Variants in ENOX2 observed in about 807,000 individuals in gnomAD.
The protein encoded by ENOX2 is APK1 antigen.
A neutral mutation model predicts 45.0 loss-of-function variants in ENOX2; 36 were observed. That is an observed-to-expected ratio of 0.80 (90% CI 0.61 to 1.06). ENOX2 has a LOEUF of 1.06. Ranked by LOEUF, ENOX2 falls within the 50% of genes least tolerant of loss-of-function variation. The probability of loss-of-function intolerance (pLI) is 0.00; values close to 1 mark genes in which losing one functional copy is unlikely to be tolerated. For synonymous variants in ENOX2, 174 were observed against 152.3 expected (o/e 1.14, Z -1.05); for missense variants, 423 against 462.5 (o/e 0.91, Z 0.78).
At chrX:130,898,541 T>G (rs1402545364) in intron 2 of ENOX2, among the ~76,000 whole-genome samples, 1 of 109,951 alleles carries the variant, frequency 9.1e-6, no homozygotes, top group African/African-American at 3.3e-5. Flanking sequence ...GTTTTTAAAC[T>G]GGGATCTGTC....
At chrX:130,673,261 A>G (rs993219307) in intron 6 of ENOX2, among the ~76,000 whole-genome samples, 1 of 111,312 alleles carries the variant, frequency 9.0e-6, no homozygotes, top group Non-Finnish European at 1.9e-5. Context: ...CCCCACGTGA[A>G]AAGGAACCAG....
chrX:130,727,548 C>T (rs5977361), intron 3 of ENOX2, among the ~76,000 whole-genome samples: 225 of 112,501 alleles, frequency 2.0e-3, no homozygotes, highest in African/African-American at 7.0e-3. Context: ...CTCTTAACCA[C>T]AAAACTCTGT....
chrX:130,641,019 A>G (rs1183526191), intron 10 of ENOX2, among the ~76,000 whole-genome samples: 3 of 112,019 alleles, frequency 2.7e-5, no homozygotes, highest in African/African-American at 9.8e-5. Context: ...GAATACCTGG[A>G]AGGAGAAGAA....
At position 130,625,352 on chromosome X, in the gene ENOX2, A is replaced by T. The variant is rs1402381451; in HGVS notation, c.1708T>A (p.Trp570Arg). Residue 570 changes from tryptophan to arginine, a missense_variant, in exon 15 of 15, where the codon TGG becomes AGG. Physicochemically the swap from Trp to Arg is moderately radical, Grantham distance 101. Transcript: ENST00000394363. ...TGVGASLEKR[W>R]KFCGFEGLKL... is the part of the protein sequence containing the mutation. ...AAGCCCTCGAAGCCACAGAATTTCCATCTCTTTTCCAGGCTGGCTCCAACT... is the reference window on the plus strand; with the variant it reads ...AAGCCCTCGAAGCCACAGAATTTCCTTCTCTTTTCCAGGCTGGCTCCAACT... The T allele has an allele frequency of 3.3e-6, 4 of 1,209,852 alleles. No homozygotes were observed. The highest frequency in any genetic ancestry group is 4.5e-6 in the Non-Finnish European group (4 of 895,129).
At chrX:130,646,924 G>A (rs747416923) in intron 10 of ENOX2, among the ~76,000 whole-genome samples, 2 of 111,793 alleles carry the variant, frequency 1.8e-5, no homozygotes, top group African/African-American at 3.3e-5. Flanking sequence ...TTTGTATTTC[G>A]ACAGTATCAA....
chrX:130,851,982 T>C (rs2078220254), intron 2 of ENOX2, among the ~76,000 whole-genome samples: 1 of 111,979 alleles, frequency 8.9e-6, no homozygotes, highest in Non-Finnish European at 1.9e-5. Context: ...TAGTCAAGAC[T>C]TTTCCAATTT....
At chrX:130,749,431 G>A (rs1452852742) in intron 3 of ENOX2, among the ~76,000 whole-genome samples, 1 of 111,494 alleles carries the variant, frequency 9.0e-6, no homozygotes, top group Non-Finnish European at 1.9e-5. Context: ...AAGGAAGCAT[G>A]ATGGGAAATC....
chrX:130,760,211 T>C (rs1005315869), intron 3 of ENOX2, among the ~76,000 whole-genome samples: 2 of 111,630 alleles, frequency 1.8e-5, no homozygotes, highest in Non-Finnish European at 3.8e-5. Flanking sequence ...TGTTTCTTTA[T>C]TCCTTTTGTA....
intron 2 of ENOX2, among the ~76,000 whole-genome samples, chrX:130,836,174 G>C (rs2077924290): frequency 8.9e-6 from 1 of 111,915 alleles, no homozygotes; most frequent in Non-Finnish European, 1.9e-5. Context: ...ACTGTATATG[G>C]GTGACTAAAT....
chrX:130,775,799 TC>T (rs2039843650), intron 3 of ENOX2, among the ~76,000 whole-genome samples: 1 of 111,378 alleles, frequency 9.0e-6, no homozygotes, highest in Non-Finnish European at 1.9e-5. Flanking sequence ...GTTTTTTTTT[TC>T]TCAGTTTGAT....
intron 3 of ENOX2, among the ~76,000 whole-genome samples, 197 bp downstream of exon 3, chrX:130,783,350 T>A (rs1257623699): frequency 8.9e-6 from 1 of 111,897 alleles, no homozygotes; most frequent in Non-Finnish European, 1.9e-5. Flanking sequence ...TGATACTCTA[T>A]CTAATTATCA....
intron 6 of ENOX2, among the ~76,000 whole-genome samples, chrX:130,671,087 G>C (rs1002411598): frequency 9.9e-5 from 11 of 111,005 alleles, no homozygotes; most frequent in Non-Finnish European, 2.1e-4. Context: ...GCTTGCCCTG[G>C]GTCAGACAAT....
intron 2 of ENOX2, among the ~76,000 whole-genome samples, chrX:130,807,535 G>A (rs2077324384): frequency 3.6e-5 from 4 of 111,486 alleles, no homozygotes; most frequent in African/African-American, 1.3e-4. Context: ...CTAATTAATG[G>A]CAGATCCAGC....
chrX:130,772,959 C>T (rs908421051), intron 3 of ENOX2, among the ~76,000 whole-genome samples: 1 of 112,245 alleles, frequency 8.9e-6, no homozygotes, highest in Non-Finnish European at 1.9e-5. Context: ...GTGTTCACTA[C>T]GACCTGTCAC....
intron 6 of ENOX2, among the ~76,000 whole-genome samples, chrX:130,670,712 T>C (rs975730330): frequency 1.0e-4 from 11 of 107,837 alleles, no homozygotes; most frequent in Admixed American, 5.0e-4. Context: ...TTGTCAACTG[T>C]GAGCCATTTT....
chrX:130,801,848 T>TCATC (rs1282440160), intron 2 of ENOX2, among the ~76,000 whole-genome samples: 10 of 111,461 alleles, frequency 9.0e-5, no homozygotes, highest in Non-Finnish European at 1.5e-4. Flanking sequence ...ATTCATTCAT[T>TCATC]CATCCAATCA....
At chrX:130,642,258 G>A (rs1321830711) in intron 10 of ENOX2, among the ~76,000 whole-genome samples, 1 of 111,795 alleles carries the variant, frequency 8.9e-6, no homozygotes, top group Non-Finnish European at 1.9e-5. Context: ...TTCAGTGGAG[G>A]AAGTAATGGC....
In ENOX2 at chrX:130,901,079, T is replaced by C. The variant is rs752485659; in HGVS notation, c.-183+605A>G. Among the ~76,000 whole-genome samples the C allele has an allele frequency of 4.2e-4, 47 of 112,941 alleles. No homozygotes were observed. In the South Asian group the frequency reaches 0.017, roughly 41 times the overall value. On this transcript the variant is annotated intron_variant, in intron 2 of 14. Transcript: ENST00000394363. Reference sequence around the variant, plus strand: ...CTGACTATGGTTTTGGCAGACACAATTAGCTACAGTTGCAATGACAGTTAA... The same window carrying C: ...CTGACTATGGTTTTGGCAGACACAACTAGCTACAGTTGCAATGACAGTTAA...
chrX:130,633,202 G>T (rs1398853216), intron 12 of ENOX2, among the ~76,000 whole-genome samples: 1 of 111,743 alleles, frequency 8.9e-6, no homozygotes, highest in Non-Finnish European at 1.9e-5. Context: ...GCAAAACACT[G>T]ACAATAACTC....
Sources: allele counts gnomAD v4.1 joint callset (sites outside exome capture counted in the v4.1 genomes callset), GRCh38; gene constraint gnomAD v4.1.1; transcripts MANE v1.5; gene names NCBI Gene and HGNC (gene_info 2026-07-23, HGNC 2026-07-21).